LDB2: variants seen among roughly 807,000 people sequenced by gnomAD.
The protein encoded by LDB2 is LIM domain-binding protein 2.
In LDB2, 12 loss-of-function variants were observed where a neutral mutation model predicts 44.3. The ratio of observed to expected loss-of-function variants is 0.27; its 90% CI spans 0.17 to 0.44. The LOEUF (loss-of-function observed/expected upper bound fraction) is 0.44. Ranked by LOEUF, LDB2 falls within the 20% of genes least tolerant of loss-of-function variation. The probability of loss-of-function intolerance (pLI) is 1.00; values close to 1 mark genes in which losing one functional copy is unlikely to be tolerated. For missense variants in LDB2, 344 were observed against 473.5 expected (o/e 0.73, Z 2.54); for synonymous variants, 164 against 174.8 (o/e 0.94, Z 0.49).
chr4:16,507,464 G>T (rs980298175), intron 7 of LDB2, among the ~76,000 whole-genome samples: 1 of 152,112 alleles, frequency 6.6e-6, no homozygotes, highest in African/African-American at 2.4e-5. Context: ...CTGTGCGAAG[G>T]TCCACTCGCA....
chr4:16,547,944 T>C (rs961532117), intron 5 of LDB2, among the ~76,000 whole-genome samples: 1 of 149,114 alleles, frequency 6.7e-6, no homozygotes, highest in Non-Finnish European at 1.5e-5. Flanking sequence ...CTCTCCTGGT[T>C]CTTTTTTTTT....
intron 2 of LDB2, among the ~76,000 whole-genome samples, chr4:16,604,877 C>T (rs1723512626): frequency 6.6e-6 from 1 of 152,172 alleles, no homozygotes; most frequent in African/African-American, 2.4e-5. Flanking sequence ...CTTATGCACA[C>T]ATATACCACA....
chr4:16,769,230 A>G (rs553010231), intron 1 of LDB2, among the ~76,000 whole-genome samples: 1 of 152,316 alleles, frequency 6.6e-6, no homozygotes, highest in East Asian at 1.9e-4. Flanking sequence ...AAGCATGAAA[A>G]GGATGCAGAG....
At chr4:16,621,478 G>T (rs1302484644) in intron 2 of LDB2, among the ~76,000 whole-genome samples, 1 of 152,192 alleles carries the variant, frequency 6.6e-6, no homozygotes, top group Non-Finnish European at 1.5e-5. Flanking sequence ...GATCATAAAG[G>T]CAAGTTAGAA....
At chr4:16,550,882 A>T (rs779853647) in intron 5 of LDB2, among the ~76,000 whole-genome samples, 3 of 152,244 alleles carry the variant, frequency 2.0e-5, no homozygotes, top group Non-Finnish European at 4.4e-5. Flanking sequence ...AAACAAATAC[A>T]TAAATGTTTG....
intron 2 of LDB2, among the ~76,000 whole-genome samples, chr4:16,676,024 ATT>A (rs1746225963): frequency 6.6e-6 from 1 of 152,200 alleles, no homozygotes; most frequent in Admixed American, 6.5e-5. Flanking sequence ...TAATAACAGT[ATT>A]TTATACCCAC....
At chr4:16,564,589 C>T in intron 5 of LDB2, among the ~76,000 whole-genome samples, 1 of 152,272 alleles carries the variant, frequency 6.6e-6, no homozygotes, top group Middle Eastern at 3.4e-3. Flanking sequence ...ATTTTTCTTT[C>T]CTAAAATCTT....
intron 2 of LDB2, among the ~76,000 whole-genome samples, chr4:16,711,155 A>T (rs1253351417): frequency 1.3e-5 from 2 of 152,256 alleles, no homozygotes; most frequent in East Asian, 3.8e-4. Context: ...CAGCAAAAGT[A>T]CTTCTAGGGC....
At chr4:16,809,434 G>A (rs1267615052) in intron 1 of LDB2, among the ~76,000 whole-genome samples, 3 of 152,158 alleles carry the variant, frequency 2.0e-5, no homozygotes, top group African/African-American at 7.2e-5. Context: ...GTATGGTCTC[G>A]AGCTTTCTTG....
At chr4:16,646,433 A>G (rs1736814158) in intron 2 of LDB2, among the ~76,000 whole-genome samples, 1 of 152,216 alleles carries the variant, frequency 6.6e-6, no homozygotes, top group African/African-American at 2.4e-5. Flanking sequence ...AAACATTTTC[A>G]GAAAAACAGG....
intron 1 of LDB2, among the ~76,000 whole-genome samples, chr4:16,890,602 C>T (rs974073371): frequency 6.6e-6 from 1 of 152,122 alleles, no homozygotes; most frequent in African/African-American, 2.4e-5. Context: ...AGGCAACATC[C>T]CTTTACCAAT....
intron 1 of LDB2, among the ~76,000 whole-genome samples, chr4:16,774,223 C>T (rs974413189): frequency 6.6e-6 from 1 of 150,830 alleles, no homozygotes; most frequent in African/African-American, 2.4e-5. Context: ...CATTCTCCCA[C>T]ACTTTCTCAA....
chr4:16,619,412 T>C (rs1728243890), intron 2 of LDB2, among the ~76,000 whole-genome samples: 1 of 152,200 alleles, frequency 6.6e-6, no homozygotes, highest in South Asian at 2.1e-4. Context: ...TGCCATGTGG[T>C]AAGATAATTT....
At position 16,749,290 on chromosome 4, in the gene LDB2, C is replaced by G. The variant is rs1191887959; in HGVS notation, c.235+9868G>C. The stretch of plus-strand genomic sequence containing the variant: ...TTAGTTTGAAGTTTAAAATATGAGT[C>G]TCGGCGGGGTGTGGTGGCTCATACT... On this transcript the variant is annotated intron_variant, in intron 2 of 7. Coordinates refer to ENST00000304523, the MANE Select transcript of LDB2 (RefSeq NM_001290.5). Among the ~76,000 whole-genome samples, 4 of 151,852 alleles carry G rather than the reference C, an allele frequency of 2.6e-5. No homozygotes were observed. The East Asian group carries it at 7.8e-4, about 30-fold the overall frequency.
intron 2 of LDB2, among the ~76,000 whole-genome samples, chr4:16,625,813 G>A (rs961275263): frequency 7.2e-5 from 11 of 152,100 alleles, no homozygotes; most frequent in African/African-American, 2.7e-4. Flanking sequence ...CATCATCATT[G>A]TAAAGAGTGT....
intron 1 of LDB2, among the ~76,000 whole-genome samples, chr4:16,862,933 C>T (rs1447995234): frequency 1.3e-5 from 2 of 152,034 alleles, no homozygotes; most frequent in East Asian, 1.9e-4. Flanking sequence ...AGGAAGAGGA[C>T]GAGGAAAGGA....
rs1717701836 is a variant in LDB2 at position 16,502,247 on chromosome 4, G to T, written c.*396C>A. 1 of 168,670 alleles carries T rather than the reference G, an allele frequency of 5.9e-6. No homozygotes were observed. The highest frequency in any genetic ancestry group is 1.3e-5 in the Non-Finnish European group (1 of 77,808). The allele number at this position is 168,670 out of a possible 1,614,324, so 10.4% of individuals were successfully genotyped here. On this transcript the variant is annotated 3_prime_UTR_variant, in exon 8 of 8. Coordinates refer to ENST00000304523, the MANE Select transcript of LDB2 (RefSeq NM_001290.5). Reference sequence around the variant, plus strand: ...ATTTTACAATATTAAAAAGTCATCTGTAGTTAGGTTCGGCATATTAATGAG... The same window carrying T: ...ATTTTACAATATTAAAAAGTCATCTTTAGTTAGGTTCGGCATATTAATGAG...
At chr4:16,531,614 G>A (rs888571143) in intron 5 of LDB2, among the ~76,000 whole-genome samples, 2 of 152,056 alleles carry the variant, frequency 1.3e-5, no homozygotes, top group African/African-American at 4.8e-5. Context: ...TGTGTCCCTG[G>A]CAACTCCCTC....
chr4:16,738,380 G>A (rs924048680), intron 2 of LDB2, among the ~76,000 whole-genome samples: 8 of 152,236 alleles, frequency 5.3e-5, no homozygotes, highest in Admixed American at 5.2e-4. Context: ...AGGAAACAGA[G>A]AAACAGGAAG....
Sources: allele counts gnomAD v4.1 joint callset (sites outside exome capture counted in the v4.1 genomes callset), GRCh38; gene constraint gnomAD v4.1.1; transcripts MANE v1.5; gene names NCBI Gene and HGNC (gene_info 2026-07-23, HGNC 2026-07-21).